The following ZZEF1 variants were observed in gnomAD, a reference collection of about 807,000 sequenced individuals.
ZZEF1 encodes zinc finger ZZ-type and EF-hand domain-containing protein 1.
Under a neutral mutation model 342.8 loss-of-function variants are expected in ZZEF1, and 157 were observed. The observed-to-expected ratio is 0.46, with a 90% CI of 0.40 to 0.52. The LOEUF (loss-of-function observed/expected upper bound fraction) is 0.52, where lower values mean the gene tolerates loss of function less well. ZZEF1 is among the 20% of genes least tolerant of loss of function. The probability of loss-of-function intolerance (pLI) is 0.00; values close to 1 mark genes in which losing one functional copy is unlikely to be tolerated. For missense variants in ZZEF1, 3,480 were observed against 3,725.6 expected, an observed-to-expected ratio of 0.93 and a Z score of 1.72; for synonymous variants, 1,505 against 1,429.1, an observed-to-expected ratio of 1.05 and a Z score of -1.20.
At chr17:4,117,313 C>G in intron 2 of ZZEF1, 147 bp from the exon 3 acceptor site, 1 of 681,038 alleles carries the variant, frequency 1.5e-6, no homozygotes, top group Non-Finnish European at 2.4e-6. Flanking sequence ...GTTAAAAAAT[C>G]TAAGTTTTAA....
At chr17:4,075,454 A>G in intron 21 of ZZEF1, 25 bp from the exon 22 acceptor site, 1 of 1,610,464 alleles carries the variant, frequency 6.2e-7, no homozygotes, top group South Asian at 1.1e-5. Context: ...GAGCCAGGGG[A>G]AAGAAAGGTT....
At chr17:4,142,482 C>T in intron 1 of ZZEF1, 60 bp downstream of exon 1, 1 of 1,550,086 alleles carries the variant, frequency 6.5e-7, no homozygotes, top group Non-Finnish European at 8.7e-7. Flanking sequence ...CCACCTCTTC[C>T]TTCAGTCCCC....
intron 1 of ZZEF1, among the ~76,000 whole-genome samples, chr17:4,140,832 C>T (rs1051988870): frequency 7.3e-5 from 11 of 151,416 alleles, no homozygotes; most frequent in Admixed American, 4.6e-4. Flanking sequence ...TCTCATAATA[C>T]GCGTAGATAC....
At chr17:4,075,035 G>A (rs540956688) in intron 23 of ZZEF1, 62 bp downstream of exon 23, 49 of 1,558,308 alleles carry the variant, frequency 3.1e-5, no homozygotes, top group Admixed American at 1.7e-4. Flanking sequence ...GCCCCCTGAA[G>A]GCTGACAAAA....
At position 4,014,134 on chromosome 17, in the gene ZZEF1, T is replaced by C. The variant is rs2056038160; in HGVS notation, c.8369A>G (p.Tyr2790Cys). 6.2e-7 allele frequency: 1 copy of C among 1,614,184 alleles called. No homozygotes were observed. The highest frequency in any genetic ancestry group is 8.5e-7 in the Non-Finnish European group (1 of 1,180,038). Residue 2790 changes from tyrosine (Y) to cysteine (C), a missense_variant, in exon 51 of 55, where the codon TAC (tyrosine) becomes TGC (cysteine). By Grantham distance (194) the Tyr-to-Cys change is radical. This residue lies in a region of ZZEF1 where 1,269 missense variants were observed against 1,342.4 expected (regional missense o/e 0.95). Coordinates refer to ENST00000381638, the MANE Select transcript of ZZEF1 (RefSeq NM_015113.4). The surrounding 1 kb of genome is among the most constrained non-coding windows in gnomAD (Gnocchi z 4.4). ...TSDMSNTEWG[Y>C]RFTVTAGHLG... ...GTGTCCGGCCGTCACGGTGAATCTG[T>C]AGCCCCACTCGGTGTTGCTCATGTC...
chr17:4,097,303 A>C (rs892295394), intron 9 of ZZEF1, among the ~76,000 whole-genome samples: 4 of 151,958 alleles, frequency 2.6e-5, no homozygotes, highest in Non-Finnish European at 4.4e-5. Flanking sequence ...TTTATAAAAC[A>C]TTTAAGCCAA....
rs1427482133 is a variant in ZZEF1 at position 4,142,803 on chromosome 17, C to T, written c.93G>A (p.Ser31=). Residue 31 remains serine, a synonymous_variant, in exon 1 of 55, where the codon TCG becomes TCA. Transcript: ENST00000381638. ...WGPHQDWAAV[S]GTTPGPGVAA... is the part of the protein sequence containing the mutation. Reference sequence around the variant, plus strand: ...CGACGCCCGGGCCGGGGGTCGTGCCCGAGACCGCGGCCCAGTCCTGGTGTG... The same window carrying T: ...CGACGCCCGGGCCGGGGGTCGTGCCTGAGACCGCGGCCCAGTCCTGGTGTG... 1 of 1,407,832 alleles carries T rather than the reference C, an allele frequency of 7.1e-7. No homozygotes were observed. Among genetic ancestry groups the T allele is most frequent in the Middle Eastern group, 2.2e-4 (1 of 4,638 alleles). 87.2% of individuals were successfully genotyped at this position (1,407,832 alleles called of 1,614,324 possible).
intron 52 of ZZEF1, 41 bp downstream of exon 52, chr17:4,013,408 C>T (rs1166962138): frequency 3.9e-6 from 6 of 1,536,568 alleles, no homozygotes; most frequent in East Asian, 2.4e-5. Flanking sequence ...AGTGGGGATA[C>T]ATATGCCTGG....
At chr17:4,130,616 G>A (rs1390369911) in intron 1 of ZZEF1, among the ~76,000 whole-genome samples, 1 of 152,160 alleles carries the variant, frequency 6.6e-6, no homozygotes, top group Non-Finnish European at 1.5e-5. Flanking sequence ...AGCCAGGAAA[G>A]TCAGCGGGCC....
chr17:4,059,179 TA>T lies in ZZEF1; in HGVS notation c.4994del (p.Leu1665GlnfsTer43). On this transcript the variant is annotated frameshift_variant, in exon 31 of 55. Coordinates refer to ENST00000381638, the MANE Select transcript of ZZEF1 (RefSeq NM_015113.4). LOFTEE classifies it high-confidence loss of function. ...LVKAVKGFSSLNDRSLLPALS... is the reference protein window; with the variant it reads ...LVKAVKGFSSXNDRSLLPALS... ...ATAAAGTTATCCAGTACCTGTCATT[TA>T]GGCTACTAAATCCTTTAACTGCTTT... 6.3e-7 allele frequency: 1 copy of T among 1,588,328 alleles called. No individual in the cohort carries two copies.
rs1026216460 is a variant in ZZEF1, at chr17:4,085,412, G to A, written c.2646+258C>T. 4.6e-5 allele frequency among the ~76,000 whole-genome samples: 7 copies of A among 152,022 alleles called. No homozygotes were observed. In the East Asian group the frequency reaches 1.3e-3, roughly 29 times the overall value. ...TGTGGAAAAGAAAGGATGGTTGTAGGCAAGTCACAAAGATGAAGGAGACTA... is the reference window on the plus strand; with the variant it reads ...TGTGGAAAAGAAAGGATGGTTGTAGACAAGTCACAAAGATGAAGGAGACTA... On this transcript the variant is annotated intron_variant, in intron 16 of 54. Coordinates refer to ENST00000381638, the MANE Select transcript of ZZEF1 (RefSeq NM_015113.4).
At position 4,082,430 on chromosome 17, in the gene ZZEF1, A is replaced by T; in HGVS notation, c.2714+7T>A. 1 of 1,613,870 alleles carries T rather than the reference A, an allele frequency of 6.2e-7. No individual in the cohort carries two copies. Among genetic ancestry groups the T allele is most frequent in the Non-Finnish European group, 8.5e-7 (1 of 1,179,766 alleles). ...TATCCGACAATTAAAAAGAACGATC[A>T]GCTTACCTAAAATACGTGCACAGTG... On this transcript the variant is annotated splice_region_variant and intron_variant, in intron 17 of 54. Coordinates refer to ENST00000381638, the MANE Select transcript of ZZEF1 (RefSeq NM_015113.4).
intron 46 of ZZEF1, among the ~76,000 whole-genome samples, chr17:4,018,274 A>T (rs957347720): frequency 2.6e-5 from 4 of 151,166 alleles, no homozygotes; most frequent in East Asian, 1.9e-4. Context: ...TTTAAAAAAA[A>T]TTTATTTGTT....
intron 16 of ZZEF1, among the ~76,000 whole-genome samples, chr17:4,083,799 G>A (rs958085704): frequency 1.3e-5 from 2 of 151,910 alleles, no homozygotes; most frequent in Admixed American, 6.6e-5. Flanking sequence ...CACCACGCCC[G>A]GCTTCCCTCC....
chr17:4,085,041 G>T (rs2057793734), intron 16 of ZZEF1, among the ~76,000 whole-genome samples: 1 of 152,238 alleles, frequency 6.6e-6, no homozygotes, highest in African/African-American at 2.4e-5. Flanking sequence ...GAGCCTGGGA[G>T]ATAGAGAATG....
chr17:4,016,461 C>T lies in ZZEF1; in HGVS notation c.8007G>A (p.Leu2669=), dbSNP rs775458118. 2 of 1,609,128 alleles carry T rather than the reference C, an allele frequency of 1.2e-6. No individual in the cohort carries two copies. The highest frequency in any genetic ancestry group is 1.7e-6 in the Non-Finnish European group (2 of 1,178,944). Residue 2669 remains leucine, a synonymous_variant, in exon 49 of 55, where the codon CTG becomes CTA. Coordinates refer to ENST00000381638, the MANE Select transcript of ZZEF1 (RefSeq NM_015113.4). This position sits in a 1 kb window ranked among gnomAD's most constrained non-coding sequence, Gnocchi z 4.4. ...CTCGGCAGCCCTGGAGCACTTTCTGCAGGATCTGGTGGGAAGCAGACAGAT... is the reference window on the plus strand; with the variant it reads ...CTCGGCAGCCCTGGAGCACTTTCTGTAGGATCTGGTGGGAAGCAGACAGAT... ...LEEKHEWEKI[L]QKVLQGCRED... is the part of the protein sequence containing the mutation.
chr17:4,121,566 C>A (rs1288301534), intron 2 of ZZEF1, among the ~76,000 whole-genome samples: 1 of 152,158 alleles, frequency 6.6e-6, no homozygotes, highest in Admixed American at 6.5e-5. Flanking sequence ...GTGGAGGCTG[C>A]AGTGAATGGA....
intron 23 of ZZEF1, 27 bp downstream of exon 23, chr17:4,075,070 G>T: frequency 1.2e-6 from 2 of 1,611,792 alleles, no homozygotes; most frequent in Non-Finnish European, 1.7e-6. Flanking sequence ...GCAGAAGTAG[G>T]TACCTCTTTC....
chr17:4,042,702 G>T (rs546070625), intron 38 of ZZEF1, 134 bp from the exon 39 acceptor site: 2 of 1,010,334 alleles, frequency 2.0e-6, no homozygotes, highest in African/African-American at 3.3e-5. Context: ...TTAAATTTGA[G>T]AGGGAGTCTC....
Sources: gnomAD v4.1 joint callset for allele counts (sites outside exome capture counted in the v4.1 genomes callset) on GRCh38, gnomAD v4.1.1 for gene constraint, gnomAD v4.1.1 regional missense constraint, Gnocchi (gnomAD v3.1) non-coding constraint, MANE v1.5 for transcripts, NCBI Gene and HGNC (gene_info 2026-07-23, HGNC 2026-07-21) for gene names.